ARFGEF2: variants seen among roughly 807,000 people sequenced by gnomAD.
The protein encoded by ARFGEF2 is brefeldin A-inhibited guanine nucleotide-exchange protein 2.
In ARFGEF2, 74 loss-of-function variants were observed where a neutral mutation model predicts 219.9. The ratio of observed to expected loss-of-function variants is 0.34; its 90% CI spans 0.28 to 0.41. The LOEUF is 0.41. Ranked by LOEUF, ARFGEF2 falls within the 10% of genes least tolerant of loss-of-function variation. The probability of loss-of-function intolerance (pLI) is 1.00; values close to 1 mark genes in which losing one functional copy is unlikely to be tolerated. For missense variants in ARFGEF2, 1,743 were observed against 2,218.3 expected (o/e 0.79, Z 4.30); for synonymous variants, 733 against 799.2 (o/e 0.92, Z 1.40).
chr20:49,012,525 G>A (rs2091505935), intron 28 of ARFGEF2, among the ~76,000 whole-genome samples: 1 of 148,270 alleles, frequency 6.7e-6, no homozygotes, highest in East Asian at 1.9e-4. Flanking sequence ...TTTTTGATGT[G>A]TCTCATCTTT....
At chr20:49,005,652 G>T (rs2091453394) in intron 26 of ARFGEF2, among the ~76,000 whole-genome samples, 1 of 150,642 alleles carries the variant, frequency 6.6e-6, no homozygotes, top group Admixed American at 6.6e-5. Context: ...GCAGGAGAAT[G>T]GCGTGAACTC....
intron 23 of ARFGEF2, 181 bp from the exon 24 acceptor site, chr20:48,998,012 C>T (rs996179893): frequency 2.8e-5 from 17 of 610,600 alleles, no homozygotes; most frequent in Admixed American, 1.6e-4. Flanking sequence ...TGCCCGCCAC[C>T]ACGCCCAGCT....
At chr20:48,937,102 G>C (rs6125500) in intron 1 of ARFGEF2, among the ~76,000 whole-genome samples, 2 of 152,106 alleles carry the variant, frequency 1.3e-5, no homozygotes, top group African/African-American at 4.8e-5. Context: ...AAAAACAAAA[G>C]GTGCTGGTGT....
At chr20:49,027,840 G>T (rs373376687) in intron 36 of ARFGEF2, among the ~76,000 whole-genome samples, 1 of 152,138 alleles carries the variant, frequency 6.6e-6, no homozygotes, top group Admixed American at 6.6e-5. Flanking sequence ...TATATAAAAT[G>T]TTTCAGGCCA....
At chr20:49,002,786 A>G (rs2091432959) in intron 25 of ARFGEF2, among the ~76,000 whole-genome samples, 1 of 150,646 alleles carries the variant, frequency 6.6e-6, no homozygotes, top group Non-Finnish European at 1.5e-5. Flanking sequence ...CTGGGATTAT[A>G]GGCACCCACC....
At position 49,010,247 on chromosome 20, in the gene ARFGEF2, G is replaced by C; in HGVS notation, c.3600G>C (p.Arg1200=). 4 of 1,614,012 alleles carry C rather than the reference G, an allele frequency of 2.5e-6. No homozygotes were observed. Among genetic ancestry groups the C allele is most frequent in the Non-Finnish European group, 3.4e-6 (4 of 1,179,930 alleles). ...CTTTCCTCAGGTCTCCCACCATCCGGGACATGGCGATCCGCTGCATTGCCC... is the reference window on the plus strand; with the variant it reads ...CTTTCCTCAGGTCTCCCACCATCCGCGACATGGCGATCCGCTGCATTGCCC... ...IMKKNRSPTI[R]DMAIRCIAQM... Residue 1200 remains arginine, a synonymous_variant, in exon 27 of 39, where the codon CGG becomes CGC. Transcript: ENST00000371917.
chr20:48,943,477 A>G (rs139585084), intron 3 of ARFGEF2, among the ~76,000 whole-genome samples: 1 of 152,348 alleles, frequency 6.6e-6, no homozygotes, highest in East Asian at 1.9e-4. Flanking sequence ...AAACAGGACT[A>G]TAACTTGGGT....
At chr20:48,959,691 C>A (rs913054221) in intron 6 of ARFGEF2, among the ~76,000 whole-genome samples, 2 of 149,210 alleles carry the variant, frequency 1.3e-5, no homozygotes, top group Non-Finnish European at 3.0e-5. Flanking sequence ...ATCACTGCAA[C>A]CTCTGCCTCT....
At chr20:48,932,446 G>C (rs1316541419) in intron 1 of ARFGEF2, among the ~76,000 whole-genome samples, 1 of 152,160 alleles carries the variant, frequency 6.6e-6, no homozygotes, top group African/African-American at 2.4e-5. Context: ...CATTCGTGGT[G>C]GGTAATTGGG....
intron 14 of ARFGEF2, among the ~76,000 whole-genome samples, chr20:48,981,401 G>A (rs1383056792): frequency 6.6e-6 from 1 of 152,094 alleles, no homozygotes; most frequent in Non-Finnish European, 1.5e-5. Flanking sequence ...TTTCTCTCTG[G>A]CTGCCCTTAA....
intron 7 of ARFGEF2, among the ~76,000 whole-genome samples, chr20:48,965,387 T>C (rs1405613738): frequency 6.6e-6 from 1 of 152,246 alleles, no homozygotes; most frequent in Non-Finnish European, 1.5e-5. Context: ...CATTAAATGA[T>C]GAAATCTGTG....
At chr20:49,002,833 A>G (rs1269718772) in intron 25 of ARFGEF2, among the ~76,000 whole-genome samples, 4 of 151,472 alleles carry the variant, frequency 2.6e-5, no homozygotes, top group Admixed American at 1.3e-4. Context: ...TTTAGTAGAG[A>G]CACAGTTTCA....
intron 34 of ARFGEF2, 124 bp downstream of exon 34, chr20:49,019,122 C>T: frequency 2.6e-6 from 2 of 778,696 alleles, no homozygotes; most frequent in Non-Finnish European, 4.3e-6. Context: ...TGCCAGTTCT[C>T]TGTAGCAGCC....
chr20:48,994,255 T>A (rs1332386772), intron 21 of ARFGEF2, among the ~76,000 whole-genome samples, 196 bp from the exon 22 acceptor site: 2 of 152,180 alleles, frequency 1.3e-5, no homozygotes, highest in Non-Finnish European at 2.9e-5. Flanking sequence ...GCCTATTAAG[T>A]GACATGGTGG....
intron 27 of ARFGEF2, among the ~76,000 whole-genome samples, chr20:49,010,607 A>G (rs1305043058): frequency 2.6e-5 from 4 of 152,174 alleles, no homozygotes; most frequent in African/African-American, 4.8e-5. Context: ...CCTTCTCTAA[A>G]TGGCCTTTCC....
intron 17 of ARFGEF2, 26 bp downstream of exon 17, chr20:48,988,414 T>C (rs566661610): frequency 6.2e-7 from 1 of 1,611,062 alleles, no homozygotes; most frequent in South Asian, 1.1e-5. Flanking sequence ...GATTTACATG[T>C]TGTATTAGCT....
chr20:49,017,076 C>T (rs2091535291), intron 31 of ARFGEF2, among the ~76,000 whole-genome samples, 173 bp from the exon 32 acceptor site: 1 of 152,052 alleles, frequency 6.6e-6, no homozygotes, highest in Non-Finnish European at 1.5e-5. Flanking sequence ...AATTTTAACT[C>T]TTCAAAAAAA....
At chr20:48,988,268 A>G in intron 16 of ARFGEF2, 36 bp from the exon 17 acceptor site, 3 of 1,504,482 alleles carry the variant, frequency 2.0e-6, no homozygotes, top group Non-Finnish European at 2.8e-6. Context: ...AAACCGCATC[A>G]CCATGAATAT....
intron 6 of ARFGEF2, among the ~76,000 whole-genome samples, chr20:48,956,604 C>CGCCAT (rs1568703105): frequency 1.3e-5 from 2 of 152,036 alleles, no homozygotes; most frequent in Non-Finnish European, 2.9e-5. Flanking sequence ...GAATGAGTCT[C>CGCCAT]GCCATCTTGC....
Sources: allele counts gnomAD v4.1 joint callset (sites outside exome capture counted in the v4.1 genomes callset), GRCh38; gene constraint gnomAD v4.1.1; transcripts MANE v1.5; gene names NCBI Gene and HGNC (gene_info 2026-07-23, HGNC 2026-07-21).